The following RGL1 variants were observed in gnomAD, a reference collection of about 807,000 sequenced individuals.
The protein encoded by RGL1 is ral guanine nucleotide dissociation stimulator-like 1.
RGL1 carries 24 observed loss-of-function variants against 95.2 expected under a neutral mutation model. The observed-to-expected ratio is 0.25, with a 90% CI of 0.18 to 0.35. RGL1 has a LOEUF of 0.35. Ranked by LOEUF, RGL1 falls within the 10% of genes least tolerant of loss-of-function variation. The probability of loss-of-function intolerance (pLI) is 1.00; values close to 1 mark genes in which losing one functional copy is unlikely to be tolerated. For missense variants in RGL1, 715 were observed against 936.3 expected (o/e 0.76, Z 3.08); for synonymous variants, 329 against 344.9 (o/e 0.95, Z 0.51).
intron 1 of RGL1, among the ~76,000 whole-genome samples, chr1:183,640,778 C>T (rs1052084921): frequency 6.6e-6 from 1 of 152,162 alleles, no homozygotes; most frequent in South Asian, 2.1e-4. Context: ...TTTCTGTCAC[C>T]TATTTTATCT....
At chr1:183,668,580 G>A (rs1419221011) in intron 1 of RGL1, among the ~76,000 whole-genome samples, 1 of 151,988 alleles carries the variant, frequency 6.6e-6, no homozygotes, top group African/African-American at 2.4e-5. Context: ...TCAGATTACA[G>A]GCATGAGCCA....
intron 1 of RGL1, among the ~76,000 whole-genome samples, chr1:183,651,703 T>C (rs1189822962): frequency 6.6e-6 from 1 of 152,238 alleles, no homozygotes; most frequent in Non-Finnish European, 1.5e-5. Flanking sequence ...GCTTTGTTTT[T>C]TCCTTAGTAC....
intron 2 of RGL1, among the ~76,000 whole-genome samples, chr1:183,757,299 G>C (rs1367481437): frequency 1.3e-5 from 2 of 152,144 alleles, no homozygotes; most frequent in Non-Finnish European, 2.9e-5. Context: ...GCATGCTTTG[G>C]AGATTAAATC....
intron 2 of RGL1, among the ~76,000 whole-genome samples, chr1:183,760,050 A>AG (rs59193738): frequency 7.0e-5 from 1 of 14,210 alleles, no homozygotes; most frequent in Non-Finnish European, 1.1e-4. Flanking sequence ...CAAATATTGC[A>AG]CAAAGTAAGT....
Position 183,716,627 on chromosome 1 carries a change from C to T in RGL1, c.-32-25499C>T, listed in dbSNP as rs541471899. Among the ~76,000 whole-genome samples, 17 of 152,296 alleles carry T rather than the reference C, an allele frequency of 1.1e-4. 2 individuals carry two copies. The South Asian group carries it at 1.9e-3, about 17-fold the overall frequency. The stretch of plus-strand genomic sequence containing the variant: ...ATGGCTGCACCTAACTGTTTGGGGG[C>T]GGCTGAAAAATGTAGTCCCTGGCTG... On this transcript the variant is annotated intron_variant, in intron 1 of 18. Transcript: ENST00000304685.
At chr1:183,834,484 A>G (rs763719197) in intron 2 of RGL1, among the ~76,000 whole-genome samples, 1 of 151,988 alleles carries the variant, frequency 6.6e-6, no homozygotes, top group African/African-American at 2.4e-5. Flanking sequence ...GCTCCTGCTT[A>G]TTTACCTGGC....
intron 3 of RGL1, among the ~76,000 whole-genome samples, chr1:183,864,648 G>T (rs1028317665): frequency 1.3e-5 from 2 of 152,202 alleles, no homozygotes; most frequent in African/African-American, 4.8e-5. Context: ...GCAAAGGGTA[G>T]CCCTGGAAGC....
chr1:183,738,568 C>T (rs7552987), intron 1 of RGL1, among the ~76,000 whole-genome samples: 16 of 151,988 alleles, frequency 1.1e-4, no homozygotes, highest in African/African-American at 2.9e-4. Context: ...CTCTTTTTAG[C>T]GGAATAGGTA....
rs1669706382 is a variant in RGL1, at chr1:183,927,940, A to G, written c.*1648A>G. ...TTTAGAGATTTGCGGCAATGGACCG[A>G]AGAACGGGCCAGGAAGTCCTCCAAT... On this transcript the variant is annotated 3_prime_UTR_variant, in exon 18 of 18. Coordinates refer to ENST00000360851, the MANE Select transcript of RGL1 (RefSeq NM_001297671.3). 1 of 152,598 alleles carries G rather than the reference A, an allele frequency of 6.6e-6. No individual in the cohort carries two copies. The highest frequency in any genetic ancestry group is 2.4e-5 in the African/African-American group (1 of 41,434). 9.5% of individuals were successfully genotyped at this position (152,598 alleles called of 1,614,324 possible).
exon 1 of RGL1, chr1:183,636,298 CCAG>C: frequency 5.0e-6 from 2 of 397,176 alleles, no homozygotes; most frequent in East Asian, 7.2e-5. Flanking sequence ...ACCCGGGCGC[CCAG>C]CATCGTTCTA....
intron 2 of RGL1, among the ~76,000 whole-genome samples, chr1:183,813,133 G>A (rs187625850): frequency 6.6e-6 from 1 of 152,306 alleles, no homozygotes; most frequent in African/African-American, 2.4e-5. Flanking sequence ...TGAAGAAAGG[G>A]ATGAGGACCT....
intron 1 of RGL1, among the ~76,000 whole-genome samples, chr1:183,676,338 G>A (rs1176759579): frequency 6.6e-6 from 1 of 151,972 alleles, no homozygotes; most frequent in Non-Finnish European, 1.5e-5. Flanking sequence ...AAAAGAGTTT[G>A]AAAGCTGCTG....
chr1:183,651,932 C>G (rs561264386), intron 1 of RGL1, among the ~76,000 whole-genome samples: 1 of 152,186 alleles, frequency 6.6e-6, no homozygotes, highest in African/African-American at 2.4e-5. Flanking sequence ...TTGCCAAAAC[C>G]AAGCCCAAAC....
At chr1:183,757,230 A>G (rs969586334) in intron 2 of RGL1, among the ~76,000 whole-genome samples, 15 of 152,314 alleles carry the variant, frequency 9.8e-5, no homozygotes, top group African/African-American at 3.6e-4. Context: ...CAGCTCAGGA[A>G]TGGGGCTTCA....
chr1:183,807,416 G>T (rs1443708273), intron 2 of RGL1, among the ~76,000 whole-genome samples: 2 of 152,220 alleles, frequency 1.3e-5, no homozygotes, highest in Non-Finnish European at 2.9e-5. Flanking sequence ...TTATGCACTT[G>T]CATCCCATCT....
At chr1:183,895,800 G>T (rs149159912) in intron 9 of RGL1, among the ~76,000 whole-genome samples, 215 of 152,240 alleles carry the variant, frequency 1.4e-3, no homozygotes, top group South Asian at 7.9e-3. Flanking sequence ...ATAGGGACTC[G>T]TCGGTCTTTT....
chr1:183,666,167 G>A lies in RGL1; in HGVS notation c.-33+29666G>A, dbSNP rs142605943. 8.2e-3 allele frequency among the ~76,000 whole-genome samples: 1,244 copies of A among 151,720 alleles called. 18 individuals carry two copies. Among genetic ancestry groups the A allele is most frequent in the African/African-American group, 0.027 (1,119 of 41,402 alleles). On this transcript the variant is annotated intron_variant, in intron 1 of 18. Coordinates refer to the RGL1 transcript ENST00000304685. The stretch of plus-strand genomic sequence containing the variant: ...ATTACAGGCATGCACCACCACACTC[G>A]GCTAATTTTGTATTTTTAGTAGAGA...
At chr1:183,829,780 A>G (rs1194598960) in intron 2 of RGL1, among the ~76,000 whole-genome samples, 1 of 152,158 alleles carries the variant, frequency 6.6e-6, no homozygotes, top group African/African-American at 2.4e-5. Context: ...TGGCATTTGC[A>G]CATGCTGTTC....
intron 8 of RGL1, 51 bp downstream of exon 8, chr1:183,888,628 G>A: frequency 3.7e-6 from 4 of 1,068,394 alleles, no homozygotes; most frequent in Non-Finnish European, 5.8e-6. Flanking sequence ...ATAATTAGTG[G>A]TTGTGATGAG....
Sources: gnomAD v4.1 joint callset for allele counts (sites outside exome capture counted in the v4.1 genomes callset) on GRCh38, gnomAD v4.1.1 for gene constraint, MANE v1.5 for transcripts, NCBI Gene and HGNC (gene_info 2026-07-23, HGNC 2026-07-21) for gene names.